The following FXYD6 variants were observed in gnomAD, a reference collection of about 807,000 sequenced individuals.
The protein encoded by FXYD6 is FXYD domain containing ion transport regulator 6.
In FXYD6, 7 loss-of-function variants were observed where a neutral mutation model predicts 16.7. The observed-to-expected ratio is 0.42, with a 90% confidence interval of 0.24 to 0.79. FXYD6 has a LOEUF of 0.79. Among genes scored for constraint, FXYD6 ranks in the 30% least tolerant of loss-of-function variants. FXYD6 has a pLI of 0.28. For missense variants in FXYD6, 111 were observed against 116.2 expected, an observed-to-expected ratio of 0.95 and a Z score of 0.21; for synonymous variants, 49 against 43.0, an observed-to-expected ratio of 1.14 and a Z score of -0.54.
chr11:117,840,164 G>T, intron 6 of FXYD6, 155 bp downstream of exon 6: 1 of 897,564 alleles, frequency 1.1e-6, no homozygotes, highest in South Asian at 1.5e-5. Flanking sequence ...GGTGGAGTGA[G>T]GGGGCAATGC....
intron 1 of FXYD6, among the ~76,000 whole-genome samples, chr11:117,860,741 TA>T (rs1205961674): frequency 6.6e-6 from 1 of 152,244 alleles, no homozygotes; most frequent in Admixed American, 6.5e-5. Flanking sequence ...AGGTTCTTTG[TA>T]AACTGTAAAA....
At chr11:117,853,393 T>C (rs2056650165) in intron 1 of FXYD6, among the ~76,000 whole-genome samples, 1 of 152,232 alleles carries the variant, frequency 6.6e-6, no homozygotes, top group Admixed American at 6.5e-5. Context: ...CTGGACTCAA[T>C]GCTGATTAGC....
chr11:117,864,788 T>C (rs1431774621), intron 1 of FXYD6, among the ~76,000 whole-genome samples: 1 of 152,162 alleles, frequency 6.6e-6, no homozygotes, highest in East Asian at 1.9e-4. Context: ...GGTTTCTCCA[T>C]GTGGGTCAGG....
intron 1 of FXYD6, among the ~76,000 whole-genome samples, chr11:117,864,115 G>A (rs1006250860): frequency 2.0e-5 from 3 of 152,126 alleles, no homozygotes; most frequent in Admixed American, 6.5e-5. Context: ...AATTCATATG[G>A]AATCTCAAGG....
intron 1 of FXYD6, among the ~76,000 whole-genome samples, chr11:117,849,873 T>C (rs937059024): frequency 6.6e-6 from 1 of 152,118 alleles, no homozygotes; most frequent in Non-Finnish European, 1.5e-5. Context: ...TTTCAGGAAT[T>C]TGGGCTAGCT....
chr11:117,858,982 G>A (rs992002476), intron 1 of FXYD6, among the ~76,000 whole-genome samples: 10 of 151,926 alleles, frequency 6.6e-5, no homozygotes, highest in Non-Finnish European at 1.3e-4. Context: ...CGCCATATTG[G>A]CCAGGGTGGT....
intron 1 of FXYD6, among the ~76,000 whole-genome samples, chr11:117,855,327 C>T (rs932095790): frequency 1.3e-5 from 2 of 152,192 alleles, no homozygotes; most frequent in Non-Finnish European, 2.9e-5. Flanking sequence ...CAGCATGGGC[C>T]CCTCGGGGTG....
chr11:117,846,053 T>A (rs2056458677), intron 1 of FXYD6, among the ~76,000 whole-genome samples: 1 of 152,232 alleles, frequency 6.6e-6, no homozygotes, highest in Non-Finnish European at 1.5e-5. Context: ...CATGATAATA[T>A]CCCACCAGCT....
intron 1 of FXYD6, among the ~76,000 whole-genome samples, chr11:117,848,076 T>G (rs1316532035): frequency 6.6e-6 from 1 of 152,232 alleles, no homozygotes. Context: ...TGAGATGGTA[T>G]CTCATTGTGG....
In FXYD6 at chr11:117,856,887, A is replaced by G. The variant is rs75415232; in HGVS notation, c.-5-14106T>C. On this transcript the variant is annotated intron_variant, in intron 1 of 7. Transcript: ENST00000526014. The stretch of plus-strand genomic sequence containing the variant: ...ATTTAGGGGCAGGGCAGGGCTCAGA[A>G]CATGCATTTCCCACTCTTGACTGCT... Among the ~76,000 whole-genome samples, 827 of 152,296 alleles carry G rather than the reference A, an allele frequency of 5.4e-3. 3 individuals are homozygous for G. The highest frequency in any genetic ancestry group is 8.0e-3 in the Non-Finnish European group (546 of 68,020).
At chr11:117,867,217 C>A (rs1391680146) in intron 1 of FXYD6, among the ~76,000 whole-genome samples, 1 of 152,182 alleles carries the variant, frequency 6.6e-6, no homozygotes, top group African/African-American at 2.4e-5. Context: ...TTATTGATGG[C>A]CTAATGCTTT....
At chr11:117,866,336 GA>G (rs2057013516) in intron 1 of FXYD6, among the ~76,000 whole-genome samples, 2 of 152,062 alleles carry the variant, frequency 1.3e-5, no homozygotes. Flanking sequence ...AACTGGGGGG[GA>G]AATGGGTATA....
Position 117,838,231 on chromosome 11 carries a change from C to T in FXYD6, c.*68G>A, listed in dbSNP as rs762425620. On this transcript the variant is annotated 3_prime_UTR_variant, in exon 8 of 8. Transcript: ENST00000526014. ...TGAAGTGGCCGGTTTTCTTAAGCAT[C>T]GACATTTGCATCCAAAGGTTCAAGC... 29 of 702,408 alleles carry T rather than the reference C, an allele frequency of 4.1e-5. No individual in the cohort carries two copies. The East Asian group carries it at 6.4e-4, about 16-fold the overall frequency. 43.5% of individuals were successfully genotyped at this position (702,408 alleles called of 1,614,324 possible).
chr11:117,856,117 G>A lies in FXYD6; in HGVS notation c.-5-13336C>T, dbSNP rs539040344. Among the ~76,000 whole-genome samples the A allele has an allele frequency of 1.8e-4, 27 of 152,244 alleles. 1 individual carries two copies. In the South Asian group the frequency reaches 4.8e-3, roughly 27 times the overall value. On this transcript the variant is annotated intron_variant, in intron 1 of 7. Coordinates refer to ENST00000526014, the MANE Select transcript of FXYD6 (RefSeq NM_022003.4). ...CCTCCTGCTTGGTTGCTGGCTGCATGTGCGGGAGAAAGCAATCAGAAGAGT... is the reference window on the plus strand; with the variant it reads ...CCTCCTGCTTGGTTGCTGGCTGCATATGCGGGAGAAAGCAATCAGAAGAGT...
chr11:117,841,893 G>A lies in FXYD6; in HGVS notation c.98-28C>T, dbSNP rs149458675. On this transcript the variant is annotated intron_variant, in intron 3 of 7. Coordinates refer to ENST00000526014, the MANE Select transcript of FXYD6 (RefSeq NM_022003.4). Reference sequence around the variant, plus strand: ...GCCAAAGGAACCAAGGGTGAGAGAGGAAGGGGCCAGGGAGAGGGTGTCTGT... The same window carrying A: ...GCCAAAGGAACCAAGGGTGAGAGAGAAAGGGGCCAGGGAGAGGGTGTCTGT... The A allele has an allele frequency of 9.8e-4, 1,587 of 1,613,994 alleles. 14 individuals are homozygous for A. In the African/African-American group the frequency reaches 0.02, roughly 20 times the overall value.
At position 117,858,647 on chromosome 11, in the gene FXYD6, CTTTCTTTCT is replaced by C. The variant is rs1565323256; in HGVS notation, c.-5-15875_-5-15867del. Reference sequence around the variant, plus strand: ...CATTTTCTTTTTTCTTTCTTTCTTTCTTTCTTTCTTTCTTTCTTTCTTTCTTTCTTTCTT... The same window carrying C: ...CATTTTCTTTTTTCTTTCTTTCTTTCTTCTTTCTTTCTTTCTTTCTTTCTT... On this transcript the variant is annotated intron_variant, in intron 1 of 7. Transcript: ENST00000526014. Among the ~76,000 whole-genome samples the C allele has an allele frequency of 1.4e-3, 75 of 52,822 alleles. 3 individuals are homozygous for C. Among genetic ancestry groups the C allele is most frequent in the East Asian group, 7.8e-3 (9 of 1,152 alleles). The allele number at this position is 52,822 out of a possible 152,430, so 34.7% of individuals were successfully genotyped here.
chr11:117,850,846 T>C (rs1335170438), intron 1 of FXYD6, among the ~76,000 whole-genome samples: 2 of 152,066 alleles, frequency 1.3e-5, no homozygotes, highest in African/African-American at 2.4e-5. Context: ...TTAGAAATTA[T>C]AGAAACTATT....
At chr11:117,864,885 G>A (rs932638349) in intron 1 of FXYD6, among the ~76,000 whole-genome samples, 3 of 152,032 alleles carry the variant, frequency 2.0e-5, no homozygotes, top group East Asian at 1.9e-4. Context: ...GCGTCTGGCC[G>A]AAAAATTGGA....
chr11:117,864,588 T>C (rs1212777962), intron 1 of FXYD6, among the ~76,000 whole-genome samples: 1 of 152,110 alleles, frequency 6.6e-6, no homozygotes. Flanking sequence ...AATAGACAAA[T>C]TGCACGTTTT....
Sources: gnomAD v4.1 joint callset for allele counts (sites outside exome capture counted in the v4.1 genomes callset) on GRCh38, gnomAD v4.1.1 for gene constraint, MANE v1.5 for transcripts, NCBI Gene and HGNC (gene_info 2026-07-23, HGNC 2026-07-21) for gene names.